CDAN1: variants seen among roughly 807,000 people sequenced by gnomAD.
CDAN1 encodes the protein codanin-1.
A neutral mutation model predicts 139.8 loss-of-function variants in CDAN1; 107 were observed. The observed-to-expected ratio is 0.77, with a 90% CI of 0.65 to 0.90. CDAN1 has a LOEUF of 0.90. CDAN1 is among the 40% of genes least tolerant of loss of function. CDAN1 has a pLI of 0.00. For synonymous variants in CDAN1, 776 were observed against 660.6 expected, an observed-to-expected ratio of 1.17 and a Z score of -2.68; for missense variants, 1,667 against 1,575.7, an observed-to-expected ratio of 1.06 and a Z score of -0.98.
At chr15:42,727,847 GCTGTTTC>G in intron 22 of CDAN1, 78 bp from the exon 23 acceptor site, 1 of 1,607,606 alleles carries the variant, frequency 6.2e-7, no homozygotes. Flanking sequence ...CATGCCTTTT[GCTGTTTC>G]CTACTGGCTC....
chr15:42,726,482 T>C, intron 23 of CDAN1, 65 bp from the exon 24 acceptor site: 3 of 1,333,322 alleles, frequency 2.3e-6, no homozygotes, highest in Non-Finnish European at 2.1e-6. Flanking sequence ...GAATTTGGCT[T>C]GGGACAGGGA....
chr15:42,734,977 T>C lies in CDAN1; in HGVS notation c.1136+123A>G, dbSNP rs1466831079. 8.1e-6 allele frequency: 6 copies of C among 737,654 alleles called. No homozygotes were observed. In the Admixed American group the frequency reaches 1.0e-4, roughly 12 times the overall value. The allele number at this position is 737,654 out of a possible 1,614,324, so 45.7% of individuals were successfully genotyped here. A position where few individuals can be genotyped will look rare whatever the true frequency, so the allele number is the denominator to read the frequency against. On this transcript the variant is annotated intron_variant, in intron 6 of 27. Transcript: ENST00000356231. ...CCTTAACACAAAATTAAAGAAAGAT[T>C]ATAGGTAGGAGAAGGTCCAGGACCA...
Position 42,736,513 on chromosome 15 carries a change from C to A in CDAN1, c.358G>T (p.Gly120Cys). The A allele has an allele frequency of 7.0e-7, 1 of 1,421,648 alleles. No homozygotes were observed. Among genetic ancestry groups the A allele is most frequent in the South Asian group, 1.5e-5 (1 of 66,136 alleles). The allele number at this position is 1,421,648 out of a possible 1,614,324, so 88.1% of individuals were successfully genotyped here. Reference sequence around the variant, plus strand: ...GCCGGCCCCGGGCCCCGCCTCCTGCCCCCGCGGCGGGCCAGAGGGGCCTCG... The same window carrying A: ...GCCGGCCCCGGGCCCCGCCTCCTGCACCCGCGGCGGGCCAGAGGGGCCTCG... ...AAEAPLARRGGRRRGPGPARE... is the reference protein window; with the variant it reads ...AAEAPLARRGCRRRGPGPARE... Residue 120 changes from glycine (G) to cysteine (C), a missense_variant, in exon 2 of 28, where the codon GGC becomes TGC. By Grantham distance (159) the Gly-to-Cys change is radical (BLOSUM62 -3). Transcript: ENST00000356231.
chr15:42,731,074 G>A lies in CDAN1; in HGVS notation c.1861-3C>T. 1 of 1,614,074 alleles carries A rather than the reference G, an allele frequency of 6.2e-7. No homozygotes were observed. The highest frequency in any genetic ancestry group is 1.3e-5 in the African/African-American group (1 of 74,928). On this transcript the variant is annotated splice_polypyrimidine_tract_variant and splice_region_variant and intron_variant, in intron 12 of 27. Coordinates refer to ENST00000356231, the MANE Select transcript of CDAN1 (RefSeq NM_138477.4). ...ACAGCAAATTGCTTCCGCTCACCCT[G>A]CATGGAATCAAGGGAAGTAAAAGGT...
intron 15 of CDAN1, 57 bp downstream of exon 15, chr15:42,730,071 C>T (rs2061588528): frequency 1.3e-6 from 2 of 1,506,762 alleles, no homozygotes; most frequent in Non-Finnish European, 1.8e-6. Context: ...GACATTTGCC[C>T]ACTCCCCATC....
chr15:42,732,971 G>A, intron 9 of CDAN1, 126 bp downstream of exon 9: 2 of 788,474 alleles, frequency 2.5e-6, no homozygotes, highest in Non-Finnish European at 4.4e-6. Flanking sequence ...GATTTCGGAG[G>A]ATAGTAGAAA....
intron 10 of CDAN1, 116 bp from the exon 11 acceptor site, chr15:42,731,941 CT>C: frequency 1.1e-6 from 1 of 923,622 alleles, no homozygotes; most frequent in Non-Finnish European, 1.7e-6. Flanking sequence ...GTGTCAAGTG[CT>C]TTAGATAGAT....
intron 10 of CDAN1, 64 bp from the exon 11 acceptor site, chr15:42,731,889 AAAAAT>A: frequency 2.1e-6 from 3 of 1,418,758 alleles, no homozygotes; most frequent in Non-Finnish European, 3.0e-6. Flanking sequence ...GGACTGAACA[AAAAAT>A]AAGGAGAAAG....
intron 6 of CDAN1, among the ~76,000 whole-genome samples, chr15:42,734,700 G>A (rs1345414663): frequency 6.6e-6 from 1 of 151,582 alleles, no homozygotes; most frequent in African/African-American, 2.4e-5. Context: ...CTACAGCCTG[G>A]ACCTCCCAGG....
chr15:42,727,306 G>A (rs967735703), intron 23 of CDAN1: 2 of 306,428 alleles, frequency 6.5e-6, no homozygotes, highest in African/African-American at 2.1e-5. Flanking sequence ...CTGCCTCCTA[G>A]AGACTCATTT....
chr15:42,734,899 G>T (rs141275003), intron 6 of CDAN1, among the ~76,000 whole-genome samples: 2 of 151,604 alleles, frequency 1.3e-5, no homozygotes, highest in Non-Finnish European at 2.9e-5. Flanking sequence ...GAATGCAGGC[G>T]TGAGCCACCA....
In CDAN1 at chr15:42,727,364, A is replaced by C. The variant is rs564239445; in HGVS notation, c.3096+257T>G. 2.6e-5 allele frequency among the ~76,000 whole-genome samples: 4 copies of C among 152,336 alleles called. No individual in the cohort carries two copies. In the South Asian group the frequency reaches 6.2e-4, roughly 24 times the overall value. On this transcript the variant is annotated intron_variant, in intron 23 of 27. Transcript: ENST00000356231. ...CACTCTCATCACCATCTGCATAATA[A>C]GCATTTAGTCAAAAATGTCCTAGCT...
Position 42,728,765 on chromosome 15 carries a change from G to A in CDAN1, c.2691C>T (p.Leu897=), listed in dbSNP as rs766865099. The change falls in exon 20 of 28, where the codon CTC becomes CTT. Residue 897 remains leucine, a synonymous_variant. Transcript: ENST00000356231. The part of the protein sequence containing the change: ...ADLVRQAESL[L]QEQLVTQGEE... ...CTCCCTGTGTCACCAGCTGCTCTTG[G>A]AGAAGTGACTCTGCCTGGCGCACCA... 2.5e-6 allele frequency: 4 copies of A among 1,614,186 alleles called. No homozygotes were observed. The Admixed American group carries it at 5.0e-5, about 20-fold the overall frequency.
At chr15:42,728,393 T>G in intron 20 of CDAN1, 126 bp from the exon 21 acceptor site, 5 of 733,844 alleles carry the variant, frequency 6.8e-6, no homozygotes, top group Non-Finnish European at 1.1e-5. Flanking sequence ...CCGTTTGCCC[T>G]CCCGCCCCAC....
At position 42,735,672 on chromosome 15, in the gene CDAN1, G is replaced by C; in HGVS notation, c.781C>G (p.Gln261Glu). The C allele has an allele frequency of 6.2e-7, 1 of 1,613,988 alleles. No individual in the cohort carries two copies. The highest frequency in any genetic ancestry group is 8.5e-7 in the Non-Finnish European group (1 of 1,180,004). ...GTGGGGGTAGGTGACTGCTGCAGCT[G>C]CTTAGAGCTATGGAATAAAGAAATT... ...REMLRKERSK[Q>E]LQQSPTPTCP... is the part of the protein sequence containing the mutation. Residue 261 changes from glutamine to glutamate, a missense_variant, in exon 4 of 28, where the codon CAG becomes GAG. Transcript: ENST00000356231.
In CDAN1 at chr15:42,736,366, G is replaced by T; in HGVS notation, c.505C>A (p.Pro169Thr). Residue 169 changes from proline to threonine, a missense_variant, in exon 2 of 28, where the codon CCG becomes ACG. Around this residue, in one of 3 missense-constraint regions of CDAN1, gnomAD observed 487 missense variants for 422.2 expected, o/e 1.15. Transcript: ENST00000356231. The stretch of plus-strand genomic sequence containing the variant: ...TCCTCCAGGTTGCTGAGGTTTGGCG[G>T]ATCAGACAGCGTGAGGCTGGGGCGG... ...PSRPSLTLSDPPNLSNLEEFP... is the reference protein window; with the variant it reads ...PSRPSLTLSDTPNLSNLEEFP... 8 of 1,613,822 alleles carry T rather than the reference G, an allele frequency of 5.0e-6. No homozygotes were observed. The highest frequency in any genetic ancestry group is 6.8e-6 in the Non-Finnish European group (8 of 1,179,978).
At chr15:42,730,895 C>A in intron 13 of CDAN1, 30 bp downstream of exon 13, 1 of 1,614,130 alleles carries the variant, frequency 6.2e-7, no homozygotes, top group Non-Finnish European at 8.5e-7. Context: ...CTCCCTGCTC[C>A]CTCCTCACCA....
At chr15:42,726,474 A>C in intron 23 of CDAN1, 57 bp from the exon 24 acceptor site, 1 of 1,420,402 alleles carries the variant, frequency 7.0e-7, no homozygotes, top group East Asian at 2.5e-5. Context: ...GCCACAGAGA[A>C]TTTGGCTTGG....
At position 42,725,267 on chromosome 15, in the gene CDAN1, A is replaced by C; in HGVS notation, c.3451-16T>G. The C allele has an allele frequency of 6.2e-7, 1 of 1,611,078 alleles. No individual in the cohort carries two copies. The highest frequency in any genetic ancestry group is 8.5e-7 in the Non-Finnish European group (1 of 1,177,276). ...GCAAGTCCCACTGCAAAACACACCG[A>C]GGTCAGGGTTGCTAGGAGGACGACA... On this transcript the variant is annotated splice_polypyrimidine_tract_variant and intron_variant, in intron 26 of 27. Transcript: ENST00000356231.
Sources: gnomAD v4.1 joint callset for allele counts (sites outside exome capture counted in the v4.1 genomes callset) on GRCh38, gnomAD v4.1.1 for gene constraint, gnomAD v4.1.1 regional missense constraint, MANE v1.5 for transcripts, NCBI Gene and HGNC (gene_info 2026-07-23, HGNC 2026-07-21) for gene names.